The following FOXN3 variants were observed in gnomAD, a reference collection of about 807,000 sequenced individuals.
The protein encoded by FOXN3 is forkhead box N3.
FOXN3 carries 7 observed loss-of-function variants against 38.4 expected under a neutral mutation model. The ratio of observed to expected loss-of-function variants is 0.18; its 90% CI spans 0.10 to 0.34. The LOEUF (loss-of-function observed/expected upper bound fraction) is 0.34, where lower values mean the gene tolerates loss of function less well. Among genes scored for constraint, FOXN3 ranks in the 10% least tolerant of loss-of-function variants. The pLI, the probability that FOXN3 is intolerant of heterozygous loss-of-function variation, is 1.00. For missense variants in FOXN3, 456 were observed against 613.4 expected, an observed-to-expected ratio of 0.74 and a Z score of 2.71; for synonymous variants, 230 against 242.2, an observed-to-expected ratio of 0.95 and a Z score of 0.47.
intron 1 of FOXN3, among the ~76,000 whole-genome samples, chr14:89,608,616 G>A (rs890646437): frequency 1.3e-5 from 2 of 152,120 alleles, no homozygotes; most frequent in African/African-American, 4.8e-5. Flanking sequence ...GCTCCCAGAA[G>A]GCAAGAAACC....
chr14:89,511,276 T>G, intron 1 of FOXN3, among the ~76,000 whole-genome samples: 1 of 40,552 alleles, frequency 2.5e-5, no homozygotes, highest in South Asian at 8.9e-4. Flanking sequence ...TCTTTCTTTC[T>G]TTCTTTCTTT....
At chr14:89,405,844 C>A (rs1566643359) in intron 2 of FOXN3, among the ~76,000 whole-genome samples, 1 of 152,138 alleles carries the variant, frequency 6.6e-6, no homozygotes, top group Non-Finnish European at 1.5e-5. Flanking sequence ...TCTACAATGT[C>A]TGCTATACTG....
chr14:89,552,149 A>G (rs1895017122), intron 1 of FOXN3, among the ~76,000 whole-genome samples: 1 of 152,232 alleles, frequency 6.6e-6, no homozygotes, highest in Admixed American at 6.5e-5. Flanking sequence ...CTTCCATAGT[A>G]CATGATGTTA....
At chr14:89,500,634 G>GA (rs1299865220) in intron 1 of FOXN3, among the ~76,000 whole-genome samples, 1 of 152,224 alleles carries the variant, frequency 6.6e-6, no homozygotes, top group Admixed American at 6.5e-5. Flanking sequence ...AAGGGACAGG[G>GA]AAAAATGGGA....
At chr14:89,351,000 A>G in intron 2 of FOXN3, 192 bp from the exon 3 acceptor site, 1 of 394,598 alleles carries the variant, frequency 2.5e-6, no homozygotes, top group Non-Finnish European at 4.4e-6. Context: ...ATTATGTTTG[A>G]TAGGCAAAAT....
chr14:89,615,190 G>A (rs1041501905), intron 1 of FOXN3, among the ~76,000 whole-genome samples: 6 of 87,800 alleles, frequency 6.8e-5, no homozygotes, highest in African/African-American at 1.8e-4. Flanking sequence ...TGGACCTTTT[G>A]TTATAAGCAA....
chr14:89,260,503 C>T (rs1596137987), intron 4 of FOXN3, among the ~76,000 whole-genome samples: 1 of 152,316 alleles, frequency 6.6e-6, no homozygotes, highest in Middle Eastern at 3.4e-3. Context: ...GGGGACCAGC[C>T]AAAGAACTCC....
chr14:89,304,737 C>T (rs1887321891), intron 3 of FOXN3, among the ~76,000 whole-genome samples: 1 of 152,092 alleles, frequency 6.6e-6, no homozygotes, highest in African/African-American at 2.4e-5. Context: ...TGCTCCTCGT[C>T]TGGCCCCCAT....
Position 89,441,783 on chromosome 14 carries a change from T to C in FOXN3, c.-14-29293A>G, listed in dbSNP as rs1307817959. Among the ~76,000 whole-genome samples the C allele has an allele frequency of 5.9e-5, 9 of 152,262 alleles. No individual in the cohort carries two copies. The East Asian group carries it at 1.4e-3, about 23-fold the overall frequency. The stretch of plus-strand genomic sequence containing the variant: ...GGTGGAAGTAGGCAGGAAGTTGGGA[T>C]CCTGGAGGGTCCCTATGGATTCCAC... On this transcript the variant is annotated intron_variant, in intron 1 of 6. Transcript: ENST00000345097.
chr14:89,511,662 G>A (rs1004226989), intron 1 of FOXN3, among the ~76,000 whole-genome samples: 22 of 152,100 alleles, frequency 1.4e-4, no homozygotes, highest in African/African-American at 5.1e-4. Flanking sequence ...AGTGGTCTTT[G>A]CAGTCCTGAT....
chr14:89,280,859 G>C, intron 4 of FOXN3, 91 bp downstream of exon 4: 1 of 1,145,176 alleles, frequency 8.7e-7, no homozygotes, highest in Non-Finnish European at 1.3e-6. Flanking sequence ...AAACGGGACA[G>C]AACTGTCCTA....
intron 1 of FOXN3, among the ~76,000 whole-genome samples, chr14:89,473,599 C>T (rs1208409830): frequency 6.6e-6 from 1 of 152,024 alleles, no homozygotes; most frequent in East Asian, 1.9e-4. Flanking sequence ...AGCTCCTGGA[C>T]TCAATGGATC....
chr14:89,315,987 T>C (rs35534742), intron 3 of FOXN3, among the ~76,000 whole-genome samples: 370 of 152,314 alleles, frequency 2.4e-3, no homozygotes, highest in Non-Finnish European at 3.8e-3. Context: ...GATAAACTCC[T>C]TGTTATAAAC....
intron 3 of FOXN3, among the ~76,000 whole-genome samples, chr14:89,343,630 T>TG (rs1454597124): frequency 2.7e-5 from 4 of 149,936 alleles, no homozygotes; most frequent in Non-Finnish European, 5.9e-5. Context: ...GTGTGTGGTT[T>TG]TTTTTTTTTT....
At chr14:89,190,303 T>C (rs1048707040) in intron 4 of FOXN3, 2 of 1,073,420 alleles carry the variant, frequency 1.9e-6, no homozygotes, top group Non-Finnish European at 1.4e-6. Flanking sequence ...TTAGCATTAG[T>C]TCTTCCTATG....
At chr14:89,342,365 A>T (rs918436285) in intron 3 of FOXN3, among the ~76,000 whole-genome samples, 22 of 152,230 alleles carry the variant, frequency 1.4e-4, no homozygotes, top group Non-Finnish European at 2.2e-4. Flanking sequence ...TTTAAATAAA[A>T]CAACACAGGA....
intron 4 of FOXN3, among the ~76,000 whole-genome samples, chr14:89,229,091 G>A (rs1215560811): frequency 1.3e-5 from 2 of 152,146 alleles, no homozygotes; most frequent in Non-Finnish European, 2.9e-5. Flanking sequence ...CCTGACAAAT[G>A]GGGTTTATTC....
Position 89,576,620 on chromosome 14 carries a change from G to A in FOXN3, c.-15+42408C>T, listed in dbSNP as rs1389226691. 2.0e-5 allele frequency: 3 copies of A among 151,994 alleles called. No individual in the cohort carries two copies. In the East Asian group the frequency reaches 5.8e-4, roughly 29 times the overall value. The allele number at this position is 151,994 out of a possible 1,614,324, so 9.4% of individuals were successfully genotyped here. A position where few individuals can be genotyped will look rare whatever the true frequency, so the allele number is the denominator to read the frequency against. ...TACCATCAGATTAGAAGTCTGTCACGGCAAGCTACTGCAGAATTAGAAGGG... is the reference window on the plus strand; with the variant it reads ...TACCATCAGATTAGAAGTCTGTCACAGCAAGCTACTGCAGAATTAGAAGGG... On this transcript the variant is annotated intron_variant, in intron 1 of 6. Transcript: ENST00000345097.
chr14:89,457,786 G>A (rs1429662561), intron 1 of FOXN3, among the ~76,000 whole-genome samples: 1 of 152,138 alleles, frequency 6.6e-6, no homozygotes, highest in East Asian at 1.9e-4. Flanking sequence ...GCTGAGGAGG[G>A]TGGATCACCT....
Sources: allele counts gnomAD v4.1 joint callset (sites outside exome capture counted in the v4.1 genomes callset), GRCh38; gene constraint gnomAD v4.1.1; transcripts MANE v1.5; gene names NCBI Gene and HGNC (gene_info 2026-07-23, HGNC 2026-07-21).